ANK2: variants seen among roughly 807,000 people sequenced by gnomAD.
ANK2 encodes the protein ankyrin-2.
Under a neutral mutation model 360.5 loss-of-function variants are expected in ANK2, and 83 were observed. The ratio of observed to expected loss-of-function variants is 0.23; its 90% confidence interval spans 0.19 to 0.28. The LOEUF (loss-of-function observed/expected upper bound fraction) is 0.28, where lower values mean the gene tolerates loss of function less well. ANK2 is among the 10% of genes least tolerant of loss of function. The pLI is 1.00. For missense variants in ANK2, 4,201 were observed against 4,795.7 expected (o/e 0.88, Z 3.66); for synonymous variants, 1,740 against 1,759.5 (o/e 0.99, Z 0.28).
At chr4:113,017,781 G>A (rs1366417267) in intron 2 of ANK2, among the ~76,000 whole-genome samples, 1 of 152,144 alleles carries the variant, frequency 6.6e-6, no homozygotes, top group Non-Finnish European at 1.5e-5. Flanking sequence ...CTATTAAGTA[G>A]GCACTCTGAC....
At chr4:112,951,287 A>G (rs1181958821) in intron 2 of ANK2, among the ~76,000 whole-genome samples, 1 of 152,182 alleles carries the variant, frequency 6.6e-6, no homozygotes, top group African/African-American at 2.4e-5. Context: ...CATTCAAACA[A>G]ATGAATATAC....
chr4:112,834,925 T>C (rs1217713879), intron 1 of ANK2, among the ~76,000 whole-genome samples: 2 of 152,198 alleles, frequency 1.3e-5, no homozygotes, highest in Non-Finnish European at 2.9e-5. Flanking sequence ...CCTCCAGGTG[T>C]GGTTCAACTT....
chr4:112,705,915 C>T, the ANK2 span, among the ~76,000 whole-genome samples: 2 of 148,876 alleles, frequency 1.3e-5, no homozygotes, highest in African/African-American at 5.2e-5. Flanking sequence ...CCCGCCGCGG[C>T]CCCGAGTCCG....
chr4:113,137,126 G>A (rs1008039720), intron 1 of ANK2, among the ~76,000 whole-genome samples: 4 of 152,100 alleles, frequency 2.6e-5, no homozygotes, highest in East Asian at 1.9e-4. Flanking sequence ...GAGCCACTGC[G>A]CCCGACCTAG....
At chr4:113,203,779 C>A (rs1183438740) in intron 4 of ANK2, among the ~76,000 whole-genome samples, 2 of 152,076 alleles carry the variant, frequency 1.3e-5, no homozygotes, top group Non-Finnish European at 2.9e-5. Flanking sequence ...CATTTACTTG[C>A]CCATAATCTT....
intron 1 of ANK2, among the ~76,000 whole-genome samples, chr4:113,171,629 T>G (rs1320690511): frequency 6.6e-6 from 1 of 152,180 alleles, no homozygotes; most frequent in Non-Finnish European, 1.5e-5. Context: ...GCAGAATGGC[T>G]CAGATATTAC....
At chr4:113,227,050 A>G (rs1469698631) in intron 4 of ANK2, among the ~76,000 whole-genome samples, 1 of 152,208 alleles carries the variant, frequency 6.6e-6, no homozygotes, top group East Asian at 1.9e-4. Context: ...TTCTTAAGCT[A>G]TTAATATGTG....
chr4:113,336,835 C>G, intron 31 of ANK2, 54 bp downstream of exon 31: 1 of 1,525,252 alleles, frequency 6.6e-7, no homozygotes, highest in Non-Finnish European at 9.1e-7. Context: ...AAACTTAGAT[C>G]GTTGTAAATA....
At chr4:113,123,922 T>C (rs1196298683) in intron 1 of ANK2, among the ~76,000 whole-genome samples, 1 of 152,136 alleles carries the variant, frequency 6.6e-6, no homozygotes, top group Non-Finnish European at 1.5e-5. Flanking sequence ...TTTCTGAAAG[T>C]TTAATAAGAC....
At chr4:113,227,232 A>G (rs1309117605) in intron 4 of ANK2, among the ~76,000 whole-genome samples, 1 of 152,148 alleles carries the variant, frequency 6.6e-6, no homozygotes, top group South Asian at 2.1e-4. Context: ...GTAAATCTTT[A>G]TTGCCTTACT....
At chr4:113,048,264 ATATATATATATATTTTTTTTTTTTTT>A (rs1252448790), upstream of ANK2, among the ~76,000 whole-genome samples, 4 of 81,914 alleles carry the variant, frequency 4.9e-5, no homozygotes, top group Admixed American at 2.8e-4. Context: ...ATATATATAT[ATATATATATATATTTTTTTTTTTTTT>A]TTTTTTTTTT....
chr4:112,785,745 C>T, the ANK2 span, among the ~76,000 whole-genome samples: 15 of 151,986 alleles, frequency 9.9e-5, no homozygotes, highest in South Asian at 2.1e-4. Context: ...CATAGCTCAC[C>T]GTAACCTTGA....
chr4:113,251,616 G>A (rs2046440936), intron 10 of ANK2, among the ~76,000 whole-genome samples: 1 of 150,624 alleles, frequency 6.6e-6, no homozygotes, highest in South Asian at 2.1e-4. Flanking sequence ...CCGAGTAGCT[G>A]GAACTACAGG....
At chr4:112,900,148 A>C (rs2082886524) in intron 1 of ANK2, among the ~76,000 whole-genome samples, 1 of 151,896 alleles carries the variant, frequency 6.6e-6, no homozygotes, top group Non-Finnish European at 1.5e-5. Flanking sequence ...TCCACCCCAC[A>C]TTTTTTTGGT....
chr4:113,124,089 T>A (rs566270313), intron 1 of ANK2, among the ~76,000 whole-genome samples: 1 of 152,360 alleles, frequency 6.6e-6, no homozygotes, highest in South Asian at 2.1e-4. Context: ...ATGACTTTTA[T>A]GTAACTAAGC....
chr4:113,186,593 C>G (rs1187655457), intron 2 of ANK2, among the ~76,000 whole-genome samples: 1 of 127,124 alleles, frequency 7.9e-6, no homozygotes, highest in Non-Finnish European at 1.6e-5. Flanking sequence ...TCTCTTCTCT[C>G]TCTCTCTCTC....
intron 1 of ANK2, chr4:113,070,275 A>T (rs1167120087): frequency 6.6e-6 from 1 of 151,686 alleles, no homozygotes; most frequent in African/African-American, 2.4e-5. Context: ...TCAGCTTTTT[A>T]TTTTTTTATT....
chr4:112,902,485 T>TGGACTTTAATTGGGCCA (rs1218148723), intron 1 of ANK2, among the ~76,000 whole-genome samples: 1 of 152,258 alleles, frequency 6.6e-6, no homozygotes, highest in Admixed American at 6.5e-5. Flanking sequence ...CTGTATGCCT[T>TGGACTTTAATTGGGCCA]GGACTTTAAT....
rs553063785 is a variant in ANK2, at chr4:113,083,862, T to C, written c.84+34050T>C. Among the ~76,000 whole-genome samples the C allele has an allele frequency of 2.0e-3, 302 of 152,318 alleles. 3 individuals are homozygous for C. Among genetic ancestry groups the C allele is most frequent in the Non-Finnish European group, 3.1e-3 (210 of 68,026 alleles). Reference sequence around the variant, plus strand: ...AGATACTTAGTTTTCATACAAAGTTTAGGTGACATAAGAGTTACGGCTGAT... The same window carrying C: ...AGATACTTAGTTTTCATACAAAGTTCAGGTGACATAAGAGTTACGGCTGAT... On this transcript the variant is annotated intron_variant, in intron 1 of 45. Coordinates refer to ENST00000357077, the MANE Select transcript of ANK2 (RefSeq NM_001148.6).
Sources: allele counts gnomAD v4.1 joint callset (sites outside exome capture counted in the v4.1 genomes callset), GRCh38; gene constraint gnomAD v4.1.1; transcripts MANE v1.5; gene names NCBI Gene and HGNC (gene_info 2026-07-23, HGNC 2026-07-21).